Variants in NCALD observed in about 807,000 individuals in gnomAD.
NCALD encodes neurocalcin delta.
A neutral mutation model predicts 18.6 loss-of-function variants in NCALD; 10 were observed. The ratio of observed to expected loss-of-function variants is 0.54; its 90% CI spans 0.33 to 0.91. NCALD has a LOEUF of 0.91. Ranked by LOEUF, NCALD falls within the 40% of genes least tolerant of loss-of-function variation. The pLI, the probability that NCALD is intolerant of heterozygous loss-of-function variation, is 0.03. For missense variants in NCALD, 184 were observed against 247.6 expected, an observed-to-expected ratio of 0.74 and a Z score of 1.72; for synonymous variants, 88 against 87.4, an observed-to-expected ratio of 1.01 and a Z score of -0.04.
intron 3 of NCALD, among the ~76,000 whole-genome samples, chr8:101,914,580 C>A (rs953299321): frequency 6.6e-6 from 1 of 152,178 alleles, no homozygotes; most frequent in East Asian, 1.9e-4. Context: ...AATTCTTCTA[C>A]ATTCTCTTCA....
intron 2 of NCALD, among the ~76,000 whole-genome samples, chr8:101,943,904 G>A (rs1819059508): frequency 6.6e-6 from 1 of 151,762 alleles, no homozygotes; most frequent in African/African-American, 2.4e-5. Flanking sequence ...TCACACCGCT[G>A]CACTCCAGCC....
intron 3 of NCALD, among the ~76,000 whole-genome samples, chr8:101,905,712 T>G (rs16868683): frequency 0.013 from 1,959 of 152,298 alleles, 49 homozygotes; most frequent in African/African-American, 0.045. Flanking sequence ...GGCTACTGGT[T>G]AAAGTCGAAG....
At chr8:101,774,634 C>T (rs1361472593) in intron 1 of NCALD, among the ~76,000 whole-genome samples, 1 of 152,220 alleles carries the variant, frequency 6.6e-6, no homozygotes, top group Non-Finnish European at 1.5e-5. Context: ...CTTGTCACAT[C>T]TTGTCTCACA....
At chr8:101,910,043 G>A (rs140117421) in intron 3 of NCALD, among the ~76,000 whole-genome samples, 571 of 152,128 alleles carry the variant, frequency 3.8e-3, no homozygotes, top group South Asian at 0.028. Flanking sequence ...CTTCAGGATC[G>A]CTCTCTTAGA....
intron 4 of NCALD, among the ~76,000 whole-genome samples, chr8:101,832,183 GTCACA>G (rs1814217445): frequency 6.6e-6 from 1 of 152,200 alleles, no homozygotes; most frequent in African/African-American, 2.4e-5. Flanking sequence ...TTCCAATCCT[GTCACA>G]AAGGAATGCA....
chr8:101,737,132 T>G (rs935868418), intron 1 of NCALD, among the ~76,000 whole-genome samples: 4 of 152,164 alleles, frequency 2.6e-5, no homozygotes, highest in Non-Finnish European at 5.9e-5. Context: ...CAGTTCTTTT[T>G]TTTTTAGACA....
chr8:101,699,345 C>T (rs561567859), intron 2 of NCALD, among the ~76,000 whole-genome samples: 2 of 152,294 alleles, frequency 1.3e-5, no homozygotes, highest in African/African-American at 4.8e-5. Flanking sequence ...TTGTGGAAGA[C>T]AGTGTGGCGA....
chr8:101,734,847 G>A (rs1407626710), intron 1 of NCALD, among the ~76,000 whole-genome samples: 1 of 152,216 alleles, frequency 6.6e-6, no homozygotes, highest in East Asian at 1.9e-4. Context: ...AGAAATCTGT[G>A]TCATTACCAT....
upstream of NCALD, among the ~76,000 whole-genome samples, chr8:101,793,402 G>A (rs544251555): frequency 6.6e-6 from 1 of 151,736 alleles, no homozygotes; most frequent in South Asian, 2.1e-4. Flanking sequence ...AAAAGTGGGT[G>A]CATGTAGCCC....
intron 1 of NCALD, among the ~76,000 whole-genome samples, chr8:102,065,273 T>A (rs637403): frequency 2.0e-5 from 3 of 151,224 alleles, no homozygotes; most frequent in Admixed American, 2.0e-4. Context: ...TTTTCATATC[T>A]GCCCATATAT....
At chr8:101,955,553 T>C (rs1311477943) in intron 2 of NCALD, among the ~76,000 whole-genome samples, 2 of 152,216 alleles carry the variant, frequency 1.3e-5, no homozygotes, top group African/African-American at 4.8e-5. Context: ...CTCTAGGAAA[T>C]ACAGTGTTTA....
intron 1 of NCALD, among the ~76,000 whole-genome samples, chr8:102,105,788 A>G (rs1587093207): frequency 6.6e-6 from 1 of 152,156 alleles, no homozygotes; most frequent in Admixed American, 6.6e-5. Context: ...TCATGGCTCC[A>G]GAGTGACCTG....
At chr8:101,812,971 A>C (rs1239735166) in intron 4 of NCALD, among the ~76,000 whole-genome samples, 1 of 152,174 alleles carries the variant, frequency 6.6e-6, no homozygotes, top group Non-Finnish European at 1.5e-5. Context: ...ATGGAAAAAA[A>C]ACTTGGAGAT....
chr8:102,037,395 A>G (rs866244356), intron 1 of NCALD, among the ~76,000 whole-genome samples: 30 of 152,232 alleles, frequency 2.0e-4, no homozygotes, highest in South Asian at 6.2e-4. Context: ...ATACTATAGA[A>G]TATTTAAGAA....
chr8:102,011,887 C>T (rs1821914810), intron 2 of NCALD, among the ~76,000 whole-genome samples: 1 of 152,138 alleles, frequency 6.6e-6, no homozygotes, highest in African/African-American at 2.4e-5. Flanking sequence ...TTTAAAGTTT[C>T]ACCAAATGGA....
chr8:102,007,792 C>T (rs1821763470), intron 2 of NCALD, among the ~76,000 whole-genome samples: 1 of 152,172 alleles, frequency 6.6e-6, no homozygotes, highest in Non-Finnish European at 1.5e-5. Context: ...CCACACCCTC[C>T]CCCAAACTTT....
At chr8:101,859,608 T>C (rs1212291300) in intron 4 of NCALD, among the ~76,000 whole-genome samples, 2 of 152,150 alleles carry the variant, frequency 1.3e-5, no homozygotes, top group South Asian at 4.1e-4. Context: ...GCTAAACGTA[T>C]GATAGCAGAG....
At position 102,054,660 on chromosome 8, in the gene NCALD, CGATAGATAGATAGATAGATA is replaced by C. The variant is rs10617345; in HGVS notation, c.-209-34391_-209-34372del. Among the ~76,000 whole-genome samples the C allele has an allele frequency of 4.1e-3, 589 of 142,396 alleles. 3 individuals carry two copies. Among genetic ancestry groups the C allele is most frequent in the African/African-American group, 0.01 (379 of 37,616 alleles). The allele number at this position is 142,396 out of a possible 152,430, so 93.4% of individuals were successfully genotyped here. ...CTGATATGTCTCTCTCTTTCTCTTC[CGATAGATAGATAGATAGATA>C]GATAGATAGATAGATAGATAGATAG... On this transcript the variant is annotated intron_variant, in intron 1 of 6. Coordinates refer to the NCALD transcript ENST00000311028.
At chr8:101,858,362 C>T (rs1815404746) in intron 4 of NCALD, among the ~76,000 whole-genome samples, 1 of 152,074 alleles carries the variant, frequency 6.6e-6, no homozygotes, top group Non-Finnish European at 1.5e-5. Flanking sequence ...GCACCAGATA[C>T]CTCTGAAAAT....
Sources: gnomAD v4.1 joint callset for allele counts (sites outside exome capture counted in the v4.1 genomes callset) on GRCh38, gnomAD v4.1.1 for gene constraint, MANE v1.5 for transcripts, NCBI Gene and HGNC (gene_info 2026-07-23, HGNC 2026-07-21) for gene names.